The following ATP2B2 variants were observed in gnomAD, a reference collection of about 807,000 sequenced individuals.
ATP2B2 encodes the protein plasma membrane calcium-transporting ATPase 2.
ATP2B2 carries 15 observed loss-of-function variants against 120.0 expected under a neutral mutation model. That is an observed-to-expected ratio of 0.12 (90% CI 0.08 to 0.19). The LOEUF is 0.19. Among genes scored for constraint, ATP2B2 ranks in the 10% least tolerant of loss-of-function variants. The pLI is 1.00. For synonymous variants in ATP2B2, 694 were observed against 700.3 expected, an observed-to-expected ratio of 0.99 and a Z score of 0.14; for missense variants, 1,045 against 1,719.8, an observed-to-expected ratio of 0.61 and a Z score of 6.94.
At chr3:10,668,421 C>T (rs528082861) in intron 1 of ATP2B2, among the ~76,000 whole-genome samples, 15 of 152,326 alleles carry the variant, frequency 9.8e-5, no homozygotes, top group Middle Eastern at 3.4e-3. Context: ...ATGACAACAC[C>T]GGTAAAGAGA....
chr3:10,415,442 C>A (rs372108534), intron 2 of ATP2B2, among the ~76,000 whole-genome samples: 1 of 152,134 alleles, frequency 6.6e-6, no homozygotes, highest in Non-Finnish European at 1.5e-5. Context: ...TGCAGACAAG[C>A]CACTTCTCTT....
intron 2 of ATP2B2, among the ~76,000 whole-genome samples, chr3:10,411,491 G>A (rs531366182): frequency 1.3e-5 from 2 of 152,320 alleles, no homozygotes; most frequent in African/African-American, 2.4e-5. Context: ...CCCTCCTGTC[G>A]AATGCCGCGC....
rs116751637 is a variant in ATP2B2 at position 10,564,287 on chromosome 3, C to T, written c.-414-30154G>A. Among the ~76,000 whole-genome samples, 323 of 152,332 alleles carry T rather than the reference C, an allele frequency of 2.1e-3. 2 individuals carry two copies. The highest frequency in any genetic ancestry group is 7.2e-3 in the African/African-American group (301 of 41,568). ...TATTTGGCTTCAGCTCTTTTGTTCC[C>T]GGTGCAACCAATTCCCTGCATTAAA... is the stretch of plus-strand genomic sequence containing the variant. On this transcript the variant is annotated intron_variant, in intron 2 of 21. Transcript: ENST00000646379.
chr3:10,326,053 C>G lies in ATP2B2; in HGVS notation c.*2761G>C, dbSNP rs1389821042. On this transcript the variant is annotated 3_prime_UTR_variant, in exon 23 of 23. Coordinates refer to ENST00000360273, the MANE Select transcript of ATP2B2 (RefSeq NM_001001331.4). ...AAGAGCCAGCGATTGAAAGCATAAC[C>G]ATTGCATAGTATTAAATGAACAGAG... The G allele has an allele frequency of 6.6e-6, 1 of 152,234 alleles. No homozygotes were observed. The highest frequency in any genetic ancestry group is 2.1e-4 in the South Asian group (1 of 4,810). 9.4% of individuals were successfully genotyped at this position (152,234 alleles called of 1,614,324 possible).
chr3:10,457,176 G>T (rs1002094116), intron 1 of ATP2B2, among the ~76,000 whole-genome samples: 5 of 152,004 alleles, frequency 3.3e-5, no homozygotes, highest in African/African-American at 1.2e-4. Flanking sequence ...TGTTAGACCA[G>T]TGTGAGTGTG....
At chr3:10,576,529 G>A (rs2068251414) in intron 2 of ATP2B2, among the ~76,000 whole-genome samples, 1 of 152,028 alleles carries the variant, frequency 6.6e-6, no homozygotes, top group African/African-American at 2.4e-5. Flanking sequence ...CAGGTGTGGT[G>A]CCACCTTTCC....
intron 8 of ATP2B2, among the ~76,000 whole-genome samples, chr3:10,382,261 C>T (rs1163116796): frequency 1.5e-5 from 2 of 137,486 alleles, no homozygotes; most frequent in Non-Finnish European, 3.0e-5. Flanking sequence ...GTCTCAAACT[C>T]TTGACCTCAA....
At chr3:10,376,951 G>A (rs1328466998) in intron 10 of ATP2B2, among the ~76,000 whole-genome samples, 2 of 152,156 alleles carry the variant, frequency 1.3e-5, no homozygotes, top group East Asian at 1.9e-4. Context: ...CTTCCCTAGC[G>A]TGGACCTGTG....
chr3:10,385,432 T>TA lies in ATP2B2; in HGVS notation c.941-106dup, dbSNP rs113091828. ...TGGGGAGATAACATGACTCTATTCT[T>TA]AAAAAAAAAAATTATCCTTTGGAAA... On this transcript the variant is annotated intron_variant, in intron 7 of 22. Transcript: ENST00000360273. The TA allele has an allele frequency of 0.065, 50,137 of 768,750 alleles. 551 individuals carry two copies. Among genetic ancestry groups the TA allele is most frequent in the South Asian group, 0.11 (5,575 of 52,538 alleles). 47.6% of individuals were successfully genotyped at this position (768,750 alleles called of 1,614,324 possible). A position where few individuals can be genotyped will look rare whatever the true frequency, so the allele number is the denominator to read the frequency against.
chr3:10,509,293 C>G (rs1415500603), upstream of ATP2B2, among the ~76,000 whole-genome samples: 1 of 152,148 alleles, frequency 6.6e-6, no homozygotes, highest in Non-Finnish European at 1.5e-5. Context: ...ATGAGGGCTA[C>G]CCCTGCCCTT....
In ATP2B2 at chr3:10,686,043, CTTT is replaced by C. The variant is rs34073958; in HGVS notation, c.-460+21869_-460+21871del. On this transcript the variant is annotated intron_variant, in intron 1 of 21. Transcript: ENST00000646379. Reference sequence around the variant, plus strand: ...GTTCCCTGTCTTTCTTTCCTCCTTTCTTTTTTTTTTTTTTTTTTTTTTTGAGAC... The same window carrying C: ...GTTCCCTGTCTTTCTTTCCTCCTTTCTTTTTTTTTTTTTTTTTTTTGAGAC... Among the ~76,000 whole-genome samples, 7 of 93,214 alleles carry C rather than the reference CTTT, an allele frequency of 7.5e-5. No homozygotes were observed. In the South Asian group the frequency reaches 1.5e-3, roughly 19 times the overall value. 61.2% of individuals were successfully genotyped at this position (93,214 alleles called of 152,430 possible). A position where few individuals can be genotyped will look rare whatever the true frequency, so the allele number is the denominator to read the frequency against.
chr3:10,352,661 C>T (rs1169615698), intron 14 of ATP2B2, among the ~76,000 whole-genome samples: 2 of 152,240 alleles, frequency 1.3e-5, no homozygotes, highest in African/African-American at 4.8e-5. Flanking sequence ...CCTCGTGCCA[C>T]AGCGGCTAAT....
chr3:10,379,223 G>A lies in ATP2B2; in HGVS notation c.1042+20C>T, dbSNP rs201011470. 85 of 1,613,116 alleles carry A rather than the reference G, an allele frequency of 5.3e-5. No homozygotes were observed. Among genetic ancestry groups the A allele is most frequent in the Admixed American group, 3.5e-4 (21 of 59,932 alleles). ...AGGGGCCTCAGGGACGACAAACGCC[G>A]GTTAAAACAAAAGGGTTACCTTTGC... On this transcript the variant is annotated intron_variant, in intron 9 of 22. Coordinates refer to ENST00000360273, the MANE Select transcript of ATP2B2 (RefSeq NM_001001331.4).
chr3:10,460,472 C>T (rs1235504730), intron 1 of ATP2B2, among the ~76,000 whole-genome samples: 1 of 152,118 alleles, frequency 6.6e-6, no homozygotes, highest in Non-Finnish European at 1.5e-5. Flanking sequence ...CAATGCTGAC[C>T]AATGAAGAGT....
At chr3:10,606,932 GAGAGAGGGAGAGGGAGAGGGGGA>G (rs1487249244) in intron 2 of ATP2B2, among the ~76,000 whole-genome samples, 6 of 70,640 alleles carry the variant, frequency 8.5e-5, no homozygotes, top group South Asian at 7.4e-4. Flanking sequence ...GAGAGAGAGA[GAGAGAGGGAGAGGGAGAGGGGGA>G]GGGGGGGAGA....
chr3:10,423,541 G>A (rs1238321102), intron 2 of ATP2B2, among the ~76,000 whole-genome samples: 1 of 152,230 alleles, frequency 6.6e-6, no homozygotes, highest in African/African-American at 2.4e-5. Flanking sequence ...AAGAGATCTG[G>A]TTCAGCATGC....
At chr3:10,569,541 C>G (rs750056703) in intron 2 of ATP2B2, among the ~76,000 whole-genome samples, 10 of 151,862 alleles carry the variant, frequency 6.6e-5, no homozygotes, top group Non-Finnish European at 1.2e-4. Context: ...TTTTTATGAA[C>G]CAGAAAAAAA....
Position 10,523,997 on chromosome 3 carries a change from G to T in ATP2B2, c.-320+10042C>A, listed in dbSNP as rs190465906. Among the ~76,000 whole-genome samples, 118 of 152,304 alleles carry T rather than the reference G, an allele frequency of 7.7e-4. 1 individual carries two copies. Among genetic ancestry groups the T allele is most frequent in the African/African-American group, 2.7e-3 (113 of 41,570 alleles). The stretch of plus-strand genomic sequence containing the variant: ...GCATTAAATGCCAATGTTTAAAAAT[G>T]GGGGGATTGTGCATAAGAATCCAGA... On this transcript the variant is annotated intron_variant, in intron 3 of 21. Coordinates refer to the ATP2B2 transcript ENST00000646379.
chr3:10,403,561 G>T (rs114067991), intron 3 of ATP2B2, among the ~76,000 whole-genome samples: 2,160 of 152,316 alleles, frequency 0.014, 56 homozygotes, highest in African/African-American at 0.045. Flanking sequence ...AGGAGGTGAG[G>T]TGCCACAGCC....
Sources: allele counts gnomAD v4.1 joint callset (sites outside exome capture counted in the v4.1 genomes callset), GRCh38; gene constraint gnomAD v4.1.1; transcripts MANE v1.5; gene names NCBI Gene and HGNC (gene_info 2026-07-23, HGNC 2026-07-21).